PTPN12: variants seen among roughly 807,000 people sequenced by gnomAD.
The protein encoded by PTPN12 is protein tyrosine phosphatase non-receptor type 12, also known as tyrosine-protein phosphatase non-receptor type 12.
Under a neutral mutation model 97.6 loss-of-function variants are expected in PTPN12, and 29 were observed. The ratio of observed to expected loss-of-function variants is 0.30; its 90% CI spans 0.22 to 0.41. PTPN12 has a LOEUF of 0.41. Among genes scored for constraint, PTPN12 ranks in the 10% least tolerant of loss-of-function variants. The pLI, the probability that PTPN12 is intolerant of heterozygous loss-of-function variation, is 1.00. For missense variants in PTPN12, 819 were observed against 926.0 expected, an observed-to-expected ratio of 0.88 and a Z score of 1.50; for synonymous variants, 327 against 300.4, an observed-to-expected ratio of 1.09 and a Z score of -0.91.
intron 2 of PTPN12, among the ~76,000 whole-genome samples, chr7:77,573,746 T>C (rs905540700): frequency 2.0e-5 from 3 of 152,204 alleles, no homozygotes; most frequent in Admixed American, 2.0e-4. Flanking sequence ...GGTTTCTCTT[T>C]TCATATGATG....
intron 1 of PTPN12, among the ~76,000 whole-genome samples, chr7:77,569,590 G>A (rs544121759): frequency 1.4e-3 from 213 of 152,202 alleles, no homozygotes; most frequent in Non-Finnish European, 2.5e-3. Context: ...GGATAACATA[G>A]TGAAACGCTG....
chr7:77,574,197 G>A (rs1412179495), intron 2 of PTPN12, among the ~76,000 whole-genome samples: 5 of 152,124 alleles, frequency 3.3e-5, no homozygotes, highest in African/African-American at 9.7e-5. Flanking sequence ...AGTGTGGTTC[G>A]AATGAGGGAT....
At position 77,613,167 on chromosome 7, in the gene PTPN12, GTTTTTTTTTTTTTTT is replaced by G. The variant is rs576216122; in HGVS notation, c.939+2132_939+2146del. Among the ~76,000 whole-genome samples the G allele has an allele frequency of 1.9e-3, 166 of 88,580 alleles. 1 individual carries two copies. The highest frequency in any genetic ancestry group is 8.0e-3 in the African/African-American group (162 of 20,144). The allele number at this position is 88,580 out of a possible 152,430, so 58.1% of individuals were successfully genotyped here. A position where few individuals can be genotyped will look rare whatever the true frequency, so the allele number is the denominator to read the frequency against. On this transcript the variant is annotated intron_variant, in intron 11 of 17. Transcript: ENST00000248594. The stretch of plus-strand genomic sequence containing the variant: ...ATAAACAGTTTTCTTTAATTTTTGG[GTTTTTTTTTTTTTTT>G]TTTTTTTTTTGAGATGGAGTCTCGC...
intron 2 of PTPN12, among the ~76,000 whole-genome samples, chr7:77,578,442 G>A (rs1354135205): frequency 6.6e-6 from 1 of 152,028 alleles, no homozygotes; most frequent in African/African-American, 2.4e-5. Flanking sequence ...TAAACATTCT[G>A]TTTCTTAGAA....
rs1234415147 is a variant in PTPN12, at chr7:77,639,459, A to T, written c.*179A>T. 1 of 535,484 alleles carries T rather than the reference A, an allele frequency of 1.9e-6. No individual in the cohort carries two copies. Among genetic ancestry groups the T allele is most frequent in the East Asian group, 3.0e-5 (1 of 33,852 alleles). 33.2% of individuals were successfully genotyped at this position (535,484 alleles called of 1,614,324 possible). A position where few individuals can be genotyped will look rare whatever the true frequency, so the allele number is the denominator to read the frequency against. On this transcript the variant is annotated 3_prime_UTR_variant, in exon 18 of 18. Coordinates refer to ENST00000248594, the MANE Select transcript of PTPN12 (RefSeq NM_002835.4). ...CTACACTTAGGAAAAAGTATTACAT[A>T]TGGTTTATTTTGAAACTTCAAGTAT...
At chr7:77,604,928 A>T in intron 8 of PTPN12, 1 of 413,494 alleles carries the variant, frequency 2.4e-6, no homozygotes, top group Non-Finnish European at 4.9e-6. Context: ...TGGAGAATTC[A>T]CTGTTATGTA....
intron 13 of PTPN12, among the ~76,000 whole-genome samples, chr7:77,629,193 C>G (rs1008766972): frequency 7.2e-5 from 11 of 152,186 alleles, no homozygotes; most frequent in Admixed American, 7.2e-4. Context: ...TCGTGATCCG[C>G]CCACCTCGGC....
At position 77,537,385 on chromosome 7, in the gene PTPN12, C is replaced by G; in HGVS notation, c.-162C>G. 1 of 1,068,122 alleles carries G rather than the reference C, an allele frequency of 9.4e-7. No homozygotes were observed. The highest frequency in any genetic ancestry group is 1.2e-6 in the Non-Finnish European group (1 of 805,024). 66.2% of individuals were successfully genotyped at this position (1,068,122 alleles called of 1,614,324 possible). A position where few individuals can be genotyped will look rare whatever the true frequency, so the allele number is the denominator to read the frequency against. ...GGAGCCCAGCCGGTGCCGCCGCAGC[C>G]GCCGCCTAGGGCGGTGGGGAGGAGG... is the stretch of plus-strand genomic sequence containing the variant. On this transcript the variant is annotated 5_prime_UTR_variant, in exon 1 of 18. Coordinates refer to ENST00000248594, the MANE Select transcript of PTPN12 (RefSeq NM_002835.4).
At chr7:77,544,468 A>G (rs1465426489) in intron 1 of PTPN12, among the ~76,000 whole-genome samples, 1 of 152,248 alleles carries the variant, frequency 6.6e-6, no homozygotes, top group African/African-American at 2.4e-5. Context: ...CTGAGACAGT[A>G]AACTAAAAAT....
intron 9 of PTPN12, among the ~76,000 whole-genome samples, chr7:77,607,909 A>T (rs1300016566): frequency 6.6e-6 from 1 of 152,038 alleles, no homozygotes; most frequent in Non-Finnish European, 1.5e-5. Context: ...GCCTGCCATC[A>T]CGCCCAGCTA....
intron 12 of PTPN12, among the ~76,000 whole-genome samples, chr7:77,625,157 A>T (rs552020471): frequency 6.6e-6 from 1 of 152,082 alleles, no homozygotes; most frequent in South Asian, 2.1e-4. Flanking sequence ...GAACACAAAA[A>T]CTTAAATATA....
At chr7:77,634,889 A>G (rs979449686) in intron 14 of PTPN12, among the ~76,000 whole-genome samples, 2 of 144,992 alleles carry the variant, frequency 1.4e-5, no homozygotes, top group African/African-American at 5.1e-5. Flanking sequence ...GTTTTGTTTT[A>G]TTTCGAGTTG....
At chr7:77,539,559 A>G (rs1806848554) in intron 1 of PTPN12, among the ~76,000 whole-genome samples, 1 of 152,106 alleles carries the variant, frequency 6.6e-6, no homozygotes, top group Non-Finnish European at 1.5e-5. Context: ...GTAGAAGAAA[A>G]TACTTTGAAT....
chr7:77,625,309 G>A (rs1024332003), intron 12 of PTPN12, among the ~76,000 whole-genome samples: 13 of 149,238 alleles, frequency 8.7e-5, no homozygotes, highest in Non-Finnish European at 1.8e-4. Flanking sequence ...GGAGTGCAGT[G>A]GCATGATCAG....
intron 2 of PTPN12, among the ~76,000 whole-genome samples, chr7:77,577,492 A>T (rs555859915): frequency 6.6e-6 from 1 of 151,866 alleles, no homozygotes; most frequent in African/African-American, 2.4e-5. Context: ...ATTCCCTGAG[A>T]CCCAGCTTGT....
intron 12 of PTPN12, among the ~76,000 whole-genome samples, chr7:77,619,454 A>C (rs186914670): frequency 6.6e-6 from 1 of 152,152 alleles, no homozygotes; most frequent in South Asian, 2.1e-4. Context: ...TCAGTAACTG[A>C]AGGTTTGGTT....
intron 14 of PTPN12, among the ~76,000 whole-genome samples, chr7:77,634,689 C>T (rs1397883164): frequency 6.6e-6 from 1 of 152,098 alleles, no homozygotes; most frequent in African/African-American, 2.4e-5. Context: ...GATCCGCCCA[C>T]CTCAGCCTCT....
intron 1 of PTPN12, among the ~76,000 whole-genome samples, chr7:77,547,468 A>G (rs879675808): frequency 2.6e-5 from 4 of 152,138 alleles, no homozygotes; most frequent in Admixed American, 6.5e-5. Flanking sequence ...GGTCCCTTAG[A>G]CTAGTGGAAA....
chr7:77,584,892 A>G (rs1359424081), intron 4 of PTPN12, among the ~76,000 whole-genome samples: 1 of 152,042 alleles, frequency 6.6e-6, no homozygotes. Flanking sequence ...AAAAAAAAAA[A>G]ATTTATTGTG....
Sources: gnomAD v4.1 joint callset for allele counts (sites outside exome capture counted in the v4.1 genomes callset) on GRCh38, gnomAD v4.1.1 for gene constraint, MANE v1.5 for transcripts, NCBI Gene and HGNC (gene_info 2026-07-23, HGNC 2026-07-21) for gene names.